Variants in AHCYL1 observed in about 807,000 individuals in gnomAD.
AHCYL1 encodes the protein S-adenosylhomocysteine hydrolase-like protein 1.
A neutral mutation model predicts 79.3 loss-of-function variants in AHCYL1; 20 were observed. The ratio of observed to expected loss-of-function variants is 0.25; its 90% CI spans 0.18 to 0.37. AHCYL1 has a LOEUF of 0.37. AHCYL1 is among the 10% of genes least tolerant of loss of function. The pLI, the probability that AHCYL1 is intolerant of heterozygous loss-of-function variation, is 1.00. For synonymous variants in AHCYL1, 223 were observed against 242.2 expected (o/e 0.92, Z 0.74); for missense variants, 330 against 673.6 (o/e 0.49, Z 5.65).
chr1:110,013,106 T>A, intron 5 of AHCYL1, 107 bp downstream of exon 5: 1 of 768,304 alleles, frequency 1.3e-6, no homozygotes, highest in Non-Finnish European at 2.0e-6. Context: ...CTAGAGGCTA[T>A]AAAATTGTGC....
At position 110,014,873 on chromosome 1, in the gene AHCYL1, CA is replaced by C; in HGVS notation, c.675+17del. On this transcript the variant is annotated intron_variant, in intron 6 of 16. Coordinates refer to ENST00000369799, the MANE Select transcript of AHCYL1 (RefSeq NM_006621.7). ...GGCCAACATGGTAATAATGCATATA[CA>C]TCCTACACTTTGACAATAGATTTAT... 6.3e-7 allele frequency: 1 copy of C among 1,597,326 alleles called. No individual in the cohort carries two copies. Among genetic ancestry groups the C allele is most frequent in the Non-Finnish European group, 8.6e-7 (1 of 1,164,660 alleles).
intron 1 of AHCYL1, among the ~76,000 whole-genome samples, chr1:109,990,257 TCTGTAAAATGGGG>T (rs1446994747): frequency 2.6e-4 from 40 of 152,340 alleles, no homozygotes; most frequent in African/African-American, 9.6e-4. Context: ...CCTTTTCTCA[TCTGTAAAATGGGG>T]AACAATGATA....
intron 1 of AHCYL1, among the ~76,000 whole-genome samples, chr1:109,989,313 C>G (rs1188741332): frequency 6.6e-6 from 1 of 152,066 alleles, no homozygotes; most frequent in African/African-American, 2.4e-5. Context: ...AAATGTATAC[C>G]TTTTCTTTTA....
chr1:110,006,492 C>T (rs943717120), intron 1 of AHCYL1, among the ~76,000 whole-genome samples: 1 of 152,096 alleles, frequency 6.6e-6, no homozygotes, highest in Non-Finnish European at 1.5e-5. Flanking sequence ...ATCATATTTG[C>T]CTTAAATGAG....
At position 109,985,084 on chromosome 1, in the gene AHCYL1, G is replaced by T. The variant is rs1486475304; in HGVS notation, c.32G>T (p.Gly11Val). The T allele has an allele frequency of 1.2e-6, 2 of 1,608,080 alleles. No individual in the cohort carries two copies. The highest frequency in any genetic ancestry group is 4.5e-5 in the East Asian group (2 of 44,392). MSMPDAMPLP[G>V]VGEELKQAKE... ...ATGCCTGACGCGATGCCGCTGCCCGGGGTCGGGGAGGAGCTGAAGCAGGCC... is the reference window on the plus strand; with the variant it reads ...ATGCCTGACGCGATGCCGCTGCCCGTGGTCGGGGAGGAGCTGAAGCAGGCC... The change falls in exon 1 of 17, where the codon GGG becomes GTG. Residue 11 changes from glycine (G) to valine (V), a missense_variant. Gly to Val is a moderately radical substitution (Grantham distance 109, BLOSUM62 -3). Around this residue, in one of 6 missense-constraint regions of AHCYL1, gnomAD observed 66 missense variants for 68.0 expected, o/e 0.97. Coordinates refer to ENST00000369799, the MANE Select transcript of AHCYL1 (RefSeq NM_006621.7).
intron 1 of AHCYL1, among the ~76,000 whole-genome samples, chr1:110,003,488 T>C (rs1445786865): frequency 6.6e-6 from 1 of 151,710 alleles, no homozygotes; most frequent in Non-Finnish European, 1.5e-5. Context: ...AGTACAACAA[T>C]GGTGCTAGCG....
At chr1:110,008,525 G>A (rs1488025157) in intron 1 of AHCYL1, among the ~76,000 whole-genome samples, 2 of 151,946 alleles carry the variant, frequency 1.3e-5, no homozygotes, top group Non-Finnish European at 2.9e-5. Flanking sequence ...TCTGAGTATT[G>A]GCACCCTAAT....
intron 1 of AHCYL1, among the ~76,000 whole-genome samples, chr1:110,007,062 T>C (rs1406471641): frequency 6.6e-6 from 1 of 152,178 alleles, no homozygotes; most frequent in African/African-American, 2.4e-5. Context: ...GGGGAAATTA[T>C]GACTATTCGG....
At chr1:110,002,215 C>T (rs750916743) in intron 1 of AHCYL1, among the ~76,000 whole-genome samples, 9 of 152,210 alleles carry the variant, frequency 5.9e-5, no homozygotes, top group Admixed American at 2.0e-4. Flanking sequence ...GCAATTATCA[C>T]ACCTCTTACT....
intron 1 of AHCYL1, among the ~76,000 whole-genome samples, chr1:109,990,206 C>G (rs1177034373): frequency 1.3e-5 from 2 of 152,198 alleles, no homozygotes; most frequent in Admixed American, 1.3e-4. Context: ...TACCTTTAGT[C>G]TCTACCATCT....
rs1357482357 is a variant in AHCYL1, at chr1:110,003,498, G to A, written c.121-5536G>A. ...AGTAAAGTACAACAATGGTGCTAGC[G>A]AGTGGGGATGGAGGGTAGGGGGTGG... On this transcript the variant is annotated intron_variant, in intron 1 of 16. Coordinates refer to ENST00000369799, the MANE Select transcript of AHCYL1 (RefSeq NM_006621.7). 2.0e-5 allele frequency among the ~76,000 whole-genome samples: 3 copies of A among 152,172 alleles called. No individual in the cohort carries two copies. In the South Asian group the frequency reaches 6.2e-4, roughly 32 times the overall value.
At chr1:110,011,110 G>A (rs904623115) in intron 2 of AHCYL1, 104 bp from the exon 3 acceptor site, 10 of 1,404,170 alleles carry the variant, frequency 7.1e-6, no homozygotes, top group Non-Finnish European at 9.6e-6. Flanking sequence ...CTCCAATTAA[G>A]GGTGTTCCCT....
Position 110,016,371 on chromosome 1 carries a change from G to A in AHCYL1, c.810G>A (p.Lys270=). 1 of 1,613,996 alleles carries A rather than the reference G, an allele frequency of 6.2e-7. No individual in the cohort carries two copies. Among genetic ancestry groups the A allele is most frequent in the Non-Finnish European group, 8.5e-7 (1 of 1,179,950 alleles). ...TGTATCAGCTCTCCAAAGCTGGGAA[G>A]CTCTGTGTTCCGGCCATGAACGTCA... ...HRLYQLSKAG[K]LCVPAMNVND... The change falls in exon 8 of 17, where the codon AAG becomes AAA. Residue 270 remains lysine (K), a synonymous_variant. Coordinates refer to ENST00000369799, the MANE Select transcript of AHCYL1 (RefSeq NM_006621.7).
intron 1 of AHCYL1, among the ~76,000 whole-genome samples, chr1:109,986,333 T>A (rs1186173895): frequency 6.6e-6 from 1 of 152,166 alleles, no homozygotes; most frequent in Non-Finnish European, 1.5e-5. Flanking sequence ...TCTTTTTTTT[T>A]TTTTTAAGTG....
chr1:110,001,065 C>G (rs1394002310), intron 1 of AHCYL1: 3 of 583,238 alleles, frequency 5.1e-6, no homozygotes, highest in South Asian at 1.5e-4. Context: ...GTGGTGTTAC[C>G]AGTGATGCTT....
At chr1:109,985,629 C>T (rs1404066417) in intron 1 of AHCYL1, 2 of 877,504 alleles carry the variant, frequency 2.3e-6, no homozygotes, top group East Asian at 1.2e-4. Context: ...AGCTGGGAGG[C>T]AAGAGAAAAG....
chr1:110,001,089 C>A, intron 1 of AHCYL1: 2 of 364,914 alleles, frequency 5.5e-6, no homozygotes, highest in Non-Finnish European at 7.6e-6. Context: ...CTTTGTATGC[C>A]AAGAGTTCAA....
chr1:109,992,580 A>T (rs769585043), intron 1 of AHCYL1, among the ~76,000 whole-genome samples: 20 of 152,188 alleles, frequency 1.3e-4, no homozygotes, highest in Non-Finnish European at 2.1e-4. Flanking sequence ...GAATTTTCAA[A>T]ATGCACATCC....
intron 14 of AHCYL1, 36 bp downstream of exon 14, chr1:110,019,155 A>G (rs986241700): frequency 1.9e-6 from 3 of 1,593,884 alleles, no homozygotes; most frequent in South Asian, 2.2e-5. Flanking sequence ...CTGCACTGCA[A>G]TTTGTGGAAC....
Sources: gnomAD v4.1 joint callset for allele counts (sites outside exome capture counted in the v4.1 genomes callset) on GRCh38, gnomAD v4.1.1 for gene constraint, gnomAD v4.1.1 regional missense constraint, MANE v1.5 for transcripts, NCBI Gene and HGNC (gene_info 2026-07-23, HGNC 2026-07-21) for gene names.